HS6ST3: variants seen among roughly 807,000 people sequenced by gnomAD.
The protein encoded by HS6ST3 is heparan-sulfate 6-O-sulfotransferase 3.
In HS6ST3, 12 loss-of-function variants were observed where a neutral mutation model predicts 36.7. That is an observed-to-expected ratio of 0.33 (90% confidence interval 0.21 to 0.53). The LOEUF (loss-of-function observed/expected upper bound fraction) is 0.53, where lower values mean the gene tolerates loss of function less well. Among genes scored for constraint, HS6ST3 ranks in the 20% least tolerant of loss-of-function variants. The pLI is 0.95. For missense variants in HS6ST3, 584 were observed against 640.9 expected (o/e 0.91, Z 0.96); for synonymous variants, 240 against 257.5 (o/e 0.93, Z 0.65).
chr13:96,610,069 C>A (rs1282996935), intron 1 of HS6ST3, among the ~76,000 whole-genome samples: 1 of 152,158 alleles, frequency 6.6e-6, no homozygotes, highest in African/African-American at 2.4e-5. Flanking sequence ...CAGATTCAAA[C>A]ATAGAGGCAT....
chr13:96,673,494 G>T (rs1483599724), intron 1 of HS6ST3, among the ~76,000 whole-genome samples: 2 of 151,998 alleles, frequency 1.3e-5, no homozygotes, highest in Non-Finnish European at 2.9e-5. Flanking sequence ...TGTTTTGTAG[G>T]CAATTAGAGG....
chr13:96,681,972 AT>A (rs1316221865), intron 1 of HS6ST3, among the ~76,000 whole-genome samples: 1 of 152,128 alleles, frequency 6.6e-6, no homozygotes, highest in Admixed American at 6.6e-5. Flanking sequence ...GGACAAAGTC[AT>A]GGGTCTATTT....
At chr13:96,371,293 T>C (rs2055288879) in intron 1 of HS6ST3, among the ~76,000 whole-genome samples, 1 of 152,226 alleles carries the variant, frequency 6.6e-6, no homozygotes, top group African/African-American at 2.4e-5. Flanking sequence ...TTACTAAATA[T>C]CTTTTTAGAA....
Position 96,836,510 on chromosome 13 carries a change from C to T in HS6ST3, c.*3312C>T, listed in dbSNP as rs189698571. The T allele has an allele frequency of 6.6e-6, 1 of 152,256 alleles. No individual in the cohort carries two copies. The highest frequency in any genetic ancestry group is 1.5e-5 in the Non-Finnish European group (1 of 68,022). 9.4% of individuals were successfully genotyped at this position (152,256 alleles called of 1,614,324 possible). ...AGTGTTAGACAACAGTGAGGCATATCATGTGTTTTTATTAAAAATGATAAA... is the reference window on the plus strand; with the variant it reads ...AGTGTTAGACAACAGTGAGGCATATTATGTGTTTTTATTAAAAATGATAAA... On this transcript the variant is annotated 3_prime_UTR_variant, in exon 2 of 2. Coordinates refer to ENST00000376705, the MANE Select transcript of HS6ST3 (RefSeq NM_153456.4).
chr13:96,158,890 AGC>A (rs2054123178), intron 1 of HS6ST3, among the ~76,000 whole-genome samples: 1 of 152,014 alleles, frequency 6.6e-6, no homozygotes, highest in Non-Finnish European at 1.5e-5. Flanking sequence ...GGAGAGCAAG[AGC>A]CAGGGTCCTT....
intron 1 of HS6ST3, among the ~76,000 whole-genome samples, chr13:96,312,033 C>A (rs951145613): frequency 4.6e-5 from 7 of 152,106 alleles, no homozygotes; most frequent in African/African-American, 1.7e-4. Flanking sequence ...TGTCTTCCCC[C>A]TCCTGAAATC....
At chr13:96,586,884 T>C (rs1046782906) in intron 1 of HS6ST3, among the ~76,000 whole-genome samples, 2 of 152,202 alleles carry the variant, frequency 1.3e-5, no homozygotes, top group Non-Finnish European at 2.9e-5. Flanking sequence ...CCCAGACCAG[T>C]GTCATAGAAC....
chr13:96,381,485 C>A (rs1321301632), intron 1 of HS6ST3, among the ~76,000 whole-genome samples: 2 of 149,136 alleles, frequency 1.3e-5, no homozygotes, highest in African/African-American at 4.9e-5. Flanking sequence ...GTTAAGAGTG[C>A]AGACTCTGGG....
intron 1 of HS6ST3, among the ~76,000 whole-genome samples, chr13:96,775,121 C>T (rs548490305): frequency 6.6e-6 from 1 of 152,160 alleles, no homozygotes; most frequent in Admixed American, 6.5e-5. Context: ...CCTTTACAGA[C>T]AAGCAAATGC....
At chr13:96,750,528 G>A (rs1197969498) in intron 1 of HS6ST3, among the ~76,000 whole-genome samples, 1 of 152,224 alleles carries the variant, frequency 6.6e-6, no homozygotes, top group Non-Finnish European at 1.5e-5. Context: ...GAATGTTACT[G>A]TGAATGAGAC....
chr13:96,494,752 T>C (rs75306636), intron 1 of HS6ST3, among the ~76,000 whole-genome samples: 1 of 152,088 alleles, frequency 6.6e-6, no homozygotes, highest in African/African-American at 2.4e-5. Flanking sequence ...ATACATATGC[T>C]GGTTCAACCC....
chr13:96,095,292 C>T (rs1230325988), intron 1 of HS6ST3, among the ~76,000 whole-genome samples: 2 of 152,216 alleles, frequency 1.3e-5, no homozygotes, highest in African/African-American at 4.8e-5. Context: ...CCTGTGTAGC[C>T]TAGGCTTCAT....
At chr13:96,544,817 C>T (rs981087328) in intron 1 of HS6ST3, among the ~76,000 whole-genome samples, 5 of 152,076 alleles carry the variant, frequency 3.3e-5, no homozygotes, top group African/African-American at 1.2e-4. Flanking sequence ...CTGGAAGGCT[C>T]AGTAATTACC....
chr13:96,516,228 T>C (rs1380864344), intron 1 of HS6ST3, among the ~76,000 whole-genome samples: 1 of 151,548 alleles, frequency 6.6e-6, no homozygotes, highest in Non-Finnish European at 1.5e-5. Flanking sequence ...TGCCTAGCTA[T>C]TTTTTTTCTG....
chr13:96,288,930 A>G (rs1014322576), intron 1 of HS6ST3, among the ~76,000 whole-genome samples: 5 of 152,104 alleles, frequency 3.3e-5, no homozygotes, highest in African/African-American at 1.2e-4. Context: ...ATGCTGCTAA[A>G]AATGGCTAGA....
chr13:96,201,916 A>G (rs2054343981), intron 1 of HS6ST3, among the ~76,000 whole-genome samples: 2 of 152,184 alleles, frequency 1.3e-5, no homozygotes, highest in Non-Finnish European at 2.9e-5. Context: ...TTTGTGGCAA[A>G]TACTGGTTGC....
Position 96,836,757 on chromosome 13 carries a change from T to G in HS6ST3, c.*3559T>G, listed in dbSNP as rs1360003730. 1 of 152,224 alleles carries G rather than the reference T, an allele frequency of 6.6e-6. No homozygotes were observed. The highest frequency in any genetic ancestry group is 6.5e-5 in the Admixed American group (1 of 15,280). The allele number at this position is 152,224 out of a possible 1,614,324, so 9.4% of individuals were successfully genotyped here. A position where few individuals can be genotyped will look rare whatever the true frequency, so the allele number is the denominator to read the frequency against. The stretch of plus-strand genomic sequence containing the variant: ...ATAAATGGATTGGATAGAATTCCCA[T>G]TCAGCTGTTTTAACACAGAAATTCA... On this transcript the variant is annotated 3_prime_UTR_variant, in exon 2 of 2. Transcript: ENST00000376705.
chr13:96,782,373 C>G (rs1462076212), intron 1 of HS6ST3, among the ~76,000 whole-genome samples: 3 of 152,140 alleles, frequency 2.0e-5, no homozygotes, highest in Non-Finnish European at 4.4e-5. Flanking sequence ...TTCTTTGTTC[C>G]TAATCGGGTT....
intron 1 of HS6ST3, among the ~76,000 whole-genome samples, chr13:96,408,017 T>C (rs1411899383): frequency 2.6e-5 from 4 of 152,170 alleles, no homozygotes; most frequent in Non-Finnish European, 5.9e-5. Context: ...CTCGGCTCAC[T>C]GCAACCTCCG....
Sources: gnomAD v4.1 joint callset for allele counts (sites outside exome capture counted in the v4.1 genomes callset) on GRCh38, gnomAD v4.1.1 for gene constraint, MANE v1.5 for transcripts, NCBI Gene and HGNC (gene_info 2026-07-23, HGNC 2026-07-21) for gene names.